GTF2B: variants seen among roughly 807,000 people sequenced by gnomAD.
GTF2B encodes the protein transcription initiation factor IIB.
Under a neutral mutation model 34.6 loss-of-function variants are expected in GTF2B, and 20 were observed. The ratio of observed to expected loss-of-function variants is 0.58; its 90% CI spans 0.41 to 0.84. The LOEUF (loss-of-function observed/expected upper bound fraction) is 0.84. Ranked by LOEUF, GTF2B falls within the 40% of genes least tolerant of loss-of-function variation. GTF2B has a pLI of 0.00. For synonymous variants in GTF2B, 142 were observed against 132.4 expected (o/e 1.07, Z -0.50); for missense variants, 237 against 393.3 (o/e 0.60, Z 3.36).
chr1:88,885,046 T>C (rs185733523), intron 2 of GTF2B, among the ~76,000 whole-genome samples: 1 of 152,244 alleles, frequency 6.6e-6, no homozygotes, highest in African/African-American at 2.4e-5. Context: ...GAGCTGCACA[T>C]GTGGTTTCTG....
intron 2 of GTF2B, among the ~76,000 whole-genome samples, chr1:88,886,975 G>A (rs111232591): frequency 0.12 from 17,569 of 151,724 alleles, 2,461 homozygotes; most frequent in African/African-American, 0.33. Context: ...CTAGAGTGCA[G>A]TGGCACGATC....
In GTF2B at chr1:88,864,844, T is replaced by C. The variant is rs528086516; in HGVS notation, c.125-730A>G. 7.2e-5 allele frequency among the ~76,000 whole-genome samples: 11 copies of C among 152,344 alleles called. 1 individual carries two copies. The South Asian group carries it at 2.1e-3, about 29-fold the overall frequency. Reference sequence around the variant, plus strand: ...AACACATACTACTCACTGTGCCCTTTTGTAAATGTTCTCACTTAATCTTCA... The same window carrying C: ...AACACATACTACTCACTGTGCCCTTCTGTAAATGTTCTCACTTAATCTTCA... On this transcript the variant is annotated intron_variant, in intron 2 of 6. Transcript: ENST00000370500.
chr1:88,870,215 C>T (rs754807079), intron 2 of GTF2B, among the ~76,000 whole-genome samples: 17 of 152,174 alleles, frequency 1.1e-4, no homozygotes, highest in South Asian at 2.1e-4. Flanking sequence ...CGTGAGCCAC[C>T]GCGCCAGGCT....
At chr1:88,891,043 C>CTT in intron 1 of GTF2B, among the ~76,000 whole-genome samples, 1 of 142,608 alleles carries the variant, frequency 7.0e-6, no homozygotes, top group East Asian at 2.1e-4. Flanking sequence ...GAACCTGAAA[C>CTT]TAACTGTTTC....
intron 2 of GTF2B, among the ~76,000 whole-genome samples, chr1:88,864,857 CACTT>C (rs369934776): frequency 8.5e-4 from 129 of 152,342 alleles, no homozygotes; most frequent in African/African-American, 2.9e-3. Context: ...TAAATGTTCT[CACTT>C]AATCTTCACA....
chr1:88,877,808 T>C (rs1294203906), intron 2 of GTF2B, among the ~76,000 whole-genome samples: 1 of 152,182 alleles, frequency 6.6e-6, no homozygotes, highest in Non-Finnish European at 1.5e-5. Flanking sequence ...GGTGGTCACC[T>C]GTAATCCCAC....
chr1:88,855,444 C>T (rs1673283557), intron 6 of GTF2B, among the ~76,000 whole-genome samples: 1 of 151,600 alleles, frequency 6.6e-6, no homozygotes, highest in African/African-American at 2.4e-5. Flanking sequence ...CCTCTGCCTC[C>T]CAAGTTCAAG....
intron 5 of GTF2B, 83 bp from the exon 6 acceptor site, chr1:88,857,570 A>AAT (rs1218337193): frequency 5.8e-6 from 4 of 686,894 alleles, no homozygotes; most frequent in East Asian, 5.4e-5. Flanking sequence ...TTATAAACAT[A>AAT]ATATACATTC....
chr1:88,882,496 G>T (rs976575505), intron 2 of GTF2B, among the ~76,000 whole-genome samples: 2 of 152,088 alleles, frequency 1.3e-5, no homozygotes, highest in African/African-American at 4.8e-5. Flanking sequence ...TGTAAAGGGT[G>T]ACATAGTAAG....
intron 2 of GTF2B, among the ~76,000 whole-genome samples, chr1:88,883,301 G>A (rs772021078): frequency 2.0e-5 from 3 of 152,106 alleles, no homozygotes; most frequent in African/African-American, 4.8e-5. Context: ...TCTTGGCCCC[G>A]AGTTCAGAAA....
intron 2 of GTF2B, among the ~76,000 whole-genome samples, chr1:88,867,109 A>G (rs1014421937): frequency 6.6e-6 from 1 of 152,214 alleles, no homozygotes; most frequent in Non-Finnish European, 1.5e-5. Context: ...CTATTCACCA[A>G]CAAGCCCATG....
chr1:88,883,535 G>A (rs1316850306), intron 2 of GTF2B, among the ~76,000 whole-genome samples: 2 of 151,736 alleles, frequency 1.3e-5, no homozygotes, highest in African/African-American at 2.4e-5. Context: ...GCAACGCTGT[G>A]AGACCCTATC....
chr1:88,876,322 A>G (rs574802834), intron 2 of GTF2B, among the ~76,000 whole-genome samples: 1 of 152,256 alleles, frequency 6.6e-6, no homozygotes, highest in Admixed American at 6.5e-5. Flanking sequence ...TGCAACTGAC[A>G]TGCTATGAAA....
rs111434513 is a variant in GTF2B, at chr1:88,891,151, G to A, written c.17+332C>T. Among the ~76,000 whole-genome samples the A allele has an allele frequency of 2.3e-3, 285 of 126,178 alleles. 19 individuals carry two copies. Among genetic ancestry groups the A allele is most frequent in the African/African-American group, 8.2e-3 (266 of 32,338 alleles). 82.8% of individuals were successfully genotyped at this position (126,178 alleles called of 152,430 possible). On this transcript the variant is annotated intron_variant, in intron 1 of 6. Coordinates refer to ENST00000370500, the MANE Select transcript of GTF2B (RefSeq NM_001514.6). ...GGGGGGCGCGGGGGAGGAGAGGAGG[G>A]AGGGTGGGAAGAAGAGAAAATAAAG...
chr1:88,859,910 T>C lies in GTF2B; in HGVS notation c.507A>G (p.Arg169=), dbSNP rs1380380784. ...TAAATGTCCTAGGAACCCCTTCTTG[T>C]CTACAGGCAATATAGAGACAAGCAG... is the stretch of plus-strand genomic sequence containing the variant. ...IASACLYIAC[R]QEGVPRTFKE... Residue 169 remains arginine, a synonymous_variant, in exon 5 of 7, where the codon AGA becomes AGG. Coordinates refer to ENST00000370500, the MANE Select transcript of GTF2B (RefSeq NM_001514.6). The C allele has an allele frequency of 6.2e-7, 1 of 1,613,804 alleles. No individual in the cohort carries two copies. The highest frequency in any genetic ancestry group is 1.7e-5 in the Admixed American group (1 of 59,998).
At chr1:88,877,345 C>CA (rs1673839358) in intron 2 of GTF2B, among the ~76,000 whole-genome samples, 1 of 152,194 alleles carries the variant, frequency 6.6e-6, no homozygotes, top group Non-Finnish European at 1.5e-5. Context: ...AAATGGTACA[C>CA]AAAAAAGTGG....
chr1:88,879,407 C>T (rs951654236), intron 2 of GTF2B, among the ~76,000 whole-genome samples: 2 of 151,580 alleles, frequency 1.3e-5, no homozygotes, highest in Non-Finnish European at 2.9e-5. Context: ...GGTGAAACCC[C>T]GTCTCTACTA....
chr1:88,873,513 T>C (rs1336670751), intron 2 of GTF2B, among the ~76,000 whole-genome samples: 1 of 152,056 alleles, frequency 6.6e-6, no homozygotes, highest in Non-Finnish European at 1.5e-5. Flanking sequence ...TTCCAGAAGT[T>C]TTTAAGGAAG....
chr1:88,856,098 C>T (rs112840397), intron 6 of GTF2B, among the ~76,000 whole-genome samples: 3,031 of 151,788 alleles, frequency 0.02, 66 homozygotes, highest in South Asian at 0.067. Flanking sequence ...GGTGAAACCC[C>T]ATCTCTACTA....
Sources: gnomAD v4.1 joint callset for allele counts (sites outside exome capture counted in the v4.1 genomes callset) on GRCh38, gnomAD v4.1.1 for gene constraint, MANE v1.5 for transcripts, NCBI Gene and HGNC (gene_info 2026-07-23, HGNC 2026-07-21) for gene names.